GARNL3: variants seen among roughly 807,000 people sequenced by gnomAD.
GARNL3 encodes the protein GTPase-activating Rap/Ran-GAP domain-like protein 3.
GARNL3 carries 63 observed loss-of-function variants against 125.0 expected under a neutral mutation model. The observed-to-expected ratio is 0.50, with a 90% CI of 0.41 to 0.62. The LOEUF (loss-of-function observed/expected upper bound fraction) is 0.62. Ranked by LOEUF, GARNL3 falls within the 20% of genes least tolerant of loss-of-function variation. The probability of loss-of-function intolerance (pLI) is 0.00; values close to 1 mark genes in which losing one functional copy is unlikely to be tolerated. For synonymous variants in GARNL3, 439 were observed against 457.5 expected (o/e 0.96, Z 0.52); for missense variants, 994 against 1,244.0 (o/e 0.80, Z 3.02).
At chr9:127,356,780 A>G (rs566525367) in intron 20 of GARNL3, among the ~76,000 whole-genome samples, 13 of 152,336 alleles carry the variant, frequency 8.5e-5, no homozygotes, top group Non-Finnish European at 1.3e-4. Context: ...TTTAAGCCTC[A>G]GTTTCCTCAT....
At chr9:127,356,382 C>G (rs1830691110) in intron 20 of GARNL3, 1 of 152,182 alleles carries the variant, frequency 6.6e-6, no homozygotes. Flanking sequence ...GAGAAACCTC[C>G]AGGCTCAAGT....
intron 19 of GARNL3, among the ~76,000 whole-genome samples, chr9:127,354,792 TTTTCC>T (rs1011138100): frequency 9.2e-5 from 14 of 152,172 alleles, no homozygotes; most frequent in African/African-American, 3.1e-4. Flanking sequence ...TTCCCTTCCT[TTTTCC>T]TTTCCTTTCC....
At chr9:127,261,748 G>A (rs1269897181), upstream of GARNL3, among the ~76,000 whole-genome samples, 2 of 152,158 alleles carry the variant, frequency 1.3e-5, no homozygotes, top group Non-Finnish European at 2.9e-5. Context: ...GTCTGGTAGA[G>A]GTGCCCCTCA....
intron 4 of GARNL3, among the ~76,000 whole-genome samples, chr9:127,316,024 C>A (rs2065231583): frequency 6.6e-6 from 1 of 152,192 alleles, no homozygotes; most frequent in Non-Finnish European, 1.5e-5. Context: ...CCCCTGAACA[C>A]AGAACCATTT....
intron 2 of GARNL3, among the ~76,000 whole-genome samples, chr9:127,246,807 A>G (rs868596368): frequency 6.7e-6 from 1 of 149,978 alleles, no homozygotes; most frequent in Middle Eastern, 3.5e-3. Context: ...ACTCTGCCTC[A>G]AAAAAAAAAT....
chr9:127,314,243 C>T (rs1024159284), intron 4 of GARNL3, among the ~76,000 whole-genome samples: 1 of 152,170 alleles, frequency 6.6e-6, no homozygotes, highest in Non-Finnish European at 1.5e-5. Flanking sequence ...GGAGGCAGGA[C>T]CATTGCCATA....
In GARNL3 at chr9:127,249,692, G is replaced by T. The variant is rs1459331343; in HGVS notation, c.143+6443G>T. 2.0e-5 allele frequency among the ~76,000 whole-genome samples: 3 copies of T among 152,038 alleles called. No homozygotes were observed. The South Asian group carries it at 6.2e-4, about 32-fold the overall frequency. On this transcript the variant is annotated intron_variant, in intron 2 of 10. Transcript: ENST00000439286. ...TAGGGGCTTGGTTAAGTAAAATATG[G>T]TATGTCTACTCAATATAAGAAAGAA... is the stretch of plus-strand genomic sequence containing the variant.
At chr9:127,248,677 G>A (rs56716289) in intron 2 of GARNL3, among the ~76,000 whole-genome samples, 175 of 130,104 alleles carry the variant, frequency 1.3e-3, no homozygotes, top group African/African-American at 5.2e-3. Context: ...GTGTGATCTC[G>A]GTTCACTGCA....
chr9:127,260,289 G>A (rs1382439563), upstream of GARNL3, among the ~76,000 whole-genome samples: 1 of 152,216 alleles, frequency 6.6e-6, no homozygotes, highest in Non-Finnish European at 1.5e-5. Flanking sequence ...ATCTGGAAAA[G>A]GAATATGTTT....
At chr9:127,327,596 G>T (rs1027614508) in intron 7 of GARNL3, among the ~76,000 whole-genome samples, 1 of 152,066 alleles carries the variant, frequency 6.6e-6, no homozygotes, top group African/African-American at 2.4e-5. Context: ...AGAGGGTCTC[G>T]CTATATTGCC....
intron 1 of GARNL3, among the ~76,000 whole-genome samples, chr9:127,286,356 TG>T (rs1033446911): frequency 1.3e-5 from 2 of 152,246 alleles, no homozygotes; most frequent in African/African-American, 2.4e-5. Context: ...CCTTTAGTCT[TG>T]GTCTCACTCA....
intron 2 of GARNL3, among the ~76,000 whole-genome samples, chr9:127,257,608 G>T (rs2063515402): frequency 6.6e-6 from 1 of 152,202 alleles, no homozygotes; most frequent in South Asian, 2.1e-4. Context: ...CACCGATTCT[G>T]TAGGAGGTGT....
rs1832976139 is a variant in GARNL3, at chr9:127,393,449, C to T, written c.*195C>T. 4.8e-6 allele frequency: 2 copies of T among 420,510 alleles called. No homozygotes were observed. The highest frequency in any genetic ancestry group is 8.6e-6 in the Non-Finnish European group (2 of 233,652). The allele number at this position is 420,510 out of a possible 1,614,324, so 26.0% of individuals were successfully genotyped here. On this transcript the variant is annotated 3_prime_UTR_variant, in exon 28 of 28. Transcript: ENST00000373387. ...TTCCTGACCTTTGTTTCTTTCTGTTCAGGAACCATCAGTCCCCTTGTAATA... is the reference window on the plus strand; with the variant it reads ...TTCCTGACCTTTGTTTCTTTCTGTTTAGGAACCATCAGTCCCCTTGTAATA...
intron 5 of GARNL3, among the ~76,000 whole-genome samples, chr9:127,318,490 A>G (rs997005624): frequency 6.6e-6 from 1 of 152,066 alleles, no homozygotes; most frequent in Non-Finnish European, 1.5e-5. Flanking sequence ...TCTTGCATGC[A>G]CTCAGATACT....
chr9:127,334,962 A>G (rs945733449), intron 9 of GARNL3, among the ~76,000 whole-genome samples: 5 of 151,984 alleles, frequency 3.3e-5, no homozygotes, highest in African/African-American at 1.2e-4. Context: ...GAAGCTCAAT[A>G]CTCTCCTCTT....
chr9:127,354,178 C>A, intron 18 of GARNL3, 116 bp from the exon 19 acceptor site: 1 of 774,226 alleles, frequency 1.3e-6, no homozygotes, highest in Non-Finnish European at 2.2e-6. Context: ...TGGGGTGCCT[C>A]CTGAATTCCA....
rs1195258225 is a variant in GARNL3, at chr9:127,391,211, AGAGGCG to A, written c.2870+450_2870+455del. Among the ~76,000 whole-genome samples, 4 of 151,486 alleles carry A rather than the reference AGAGGCG, an allele frequency of 2.6e-5. No individual in the cohort carries two copies. The South Asian group carries it at 6.2e-4, about 24-fold the overall frequency. Reference sequence around the variant, plus strand: ...GAGGCAGAAGAATCGCTTGAACATGAGAGGCGGAGGCTGCAGTCAGCCAAGATCGTG... The same window carrying A: ...GAGGCAGAAGAATCGCTTGAACATGAGAGGCTGCAGTCAGCCAAGATCGTG... On this transcript the variant is annotated intron_variant, in intron 27 of 27. Coordinates refer to ENST00000373387, the MANE Select transcript of GARNL3 (RefSeq NM_032293.5).
Position 127,233,132 on chromosome 9 carries a change from G to A in GARNL3, c.-29+8794G>A, listed in dbSNP as rs190564417. ...CCAGCTACTCAGGGGGCTGAGATGA[G>A]AGGATCACTAGAGTAGGAGCTTGAG... On this transcript the variant is annotated intron_variant, in intron 1 of 10. Coordinates refer to the GARNL3 transcript ENST00000439286. Among the ~76,000 whole-genome samples, 364 of 152,212 alleles carry A rather than the reference G, an allele frequency of 2.4e-3. 2 individuals carry two copies. The highest frequency in any genetic ancestry group is 8.3e-3 in the African/African-American group (344 of 41,524).
rs898891369 is a variant in GARNL3 at position 127,392,820 on chromosome 9, A to G, written c.2871-263A>G. Among the ~76,000 whole-genome samples, 4 of 152,142 alleles carry G rather than the reference A, an allele frequency of 2.6e-5. No individual in the cohort carries two copies. On this transcript the variant is annotated intron_variant, in intron 27 of 27. Coordinates refer to ENST00000373387, the MANE Select transcript of GARNL3 (RefSeq NM_032293.5). The surrounding 1 kb of genome is among the most constrained non-coding windows in gnomAD (Gnocchi z 5.2). ...ATGGGAGGGTTTTAGGCAGGATGACATTATCTGGATTTGCACTTTAGAAAG... is the reference window on the plus strand; with the variant it reads ...ATGGGAGGGTTTTAGGCAGGATGACGTTATCTGGATTTGCACTTTAGAAAG...
Sources: gnomAD v4.1 joint callset for allele counts (sites outside exome capture counted in the v4.1 genomes callset) on GRCh38, gnomAD v4.1.1 for gene constraint, Gnocchi (gnomAD v3.1) non-coding constraint, MANE v1.5 for transcripts, NCBI Gene and HGNC (gene_info 2026-07-23, HGNC 2026-07-21) for gene names.